Variants in RIC8B observed in about 807,000 individuals in gnomAD.
RIC8B encodes RIC8 guanine nucleotide exchange factor B, also known as chaperone Ric-8B.
In RIC8B, 16 loss-of-function variants were observed where a neutral mutation model predicts 57.5. That is an observed-to-expected ratio of 0.28 (90% CI 0.19 to 0.42). The LOEUF is 0.42. Ranked by LOEUF, RIC8B falls within the 10% of genes least tolerant of loss-of-function variation. The probability of loss-of-function intolerance (pLI) is 1.00; values close to 1 mark genes in which losing one functional copy is unlikely to be tolerated. For synonymous variants in RIC8B, 216 were observed against 250.8 expected (o/e 0.86, Z 1.31); for missense variants, 481 against 677.0 (o/e 0.71, Z 3.21).
chr12:106,804,707 A>T (rs923117446), intron 2 of RIC8B, among the ~76,000 whole-genome samples: 2 of 152,266 alleles, frequency 1.3e-5, no homozygotes, highest in African/African-American at 2.4e-5. Flanking sequence ...ATCTTTGTGC[A>T]TGTGGAAGAA....
intron 1 of RIC8B, among the ~76,000 whole-genome samples, chr12:106,777,406 G>C (rs1236497935): frequency 6.6e-6 from 1 of 152,140 alleles, no homozygotes; most frequent in African/African-American, 2.4e-5. Context: ...AAAAAAAATA[G>C]TTGGGTACCA....
In RIC8B at chr12:106,879,937, T is replaced by TA. The variant is rs996943403; in HGVS notation, c.1572-5966dup. On this transcript the variant is annotated intron_variant, in intron 9 of 9. Coordinates refer to ENST00000392837, the MANE Select transcript of RIC8B (RefSeq NM_001330145.2). The surrounding 1 kb of genome is among the most constrained non-coding windows in gnomAD (Gnocchi z 4.9). ...CTTAACTTGTGTTAAGGCCTGTGTG[T>TA]AGCATTGAAGGTAAGTATGAAGGAG... The TA allele has an allele frequency of 1.5e-5, 15 of 985,300 alleles. No individual in the cohort carries two copies. Among genetic ancestry groups the TA allele is most frequent in the African/African-American group, 3.5e-5 (2 of 57,250 alleles). 61.0% of individuals were successfully genotyped at this position (985,300 alleles called of 1,614,324 possible).
intron 4 of RIC8B, among the ~76,000 whole-genome samples, chr12:106,827,009 A>G (rs1453575559): frequency 6.6e-6 from 1 of 152,146 alleles, no homozygotes; most frequent in Admixed American, 6.5e-5. Context: ...CAGGAGGTGA[A>G]GGTTGCCATG....
chr12:106,830,870 A>T (rs1268729405), intron 4 of RIC8B, among the ~76,000 whole-genome samples: 4 of 152,220 alleles, frequency 2.6e-5, no homozygotes, highest in Non-Finnish European at 5.9e-5. Context: ...GGATAGAGAG[A>T]TATCACAGAT....
intron 1 of RIC8B, chr12:106,775,473 C>T (rs1176635177): frequency 4.9e-6 from 2 of 409,824 alleles, no homozygotes; most frequent in Non-Finnish European, 9.9e-6. Context: ...TTATTTGTAT[C>T]GCATTAACAG....
At position 106,887,973 on chromosome 12, in the gene RIC8B, C is replaced by T. The variant is rs971662271; in HGVS notation, c.*1958C>T. ...GAGAGGTGAGTGACCCAGGTTTTAA[C>T]CAACAGCAAAAGAAATGGGCAATTC... is the stretch of plus-strand genomic sequence containing the variant. On this transcript the variant is annotated 3_prime_UTR_variant, in exon 10 of 10. Transcript: ENST00000392837. The T allele has an allele frequency of 7.2e-5, 11 of 152,490 alleles. No homozygotes were observed. Among genetic ancestry groups the T allele is most frequent in the African/African-American group, 2.4e-4 (10 of 41,384 alleles). The allele number at this position is 152,490 out of a possible 1,614,324, so 9.4% of individuals were successfully genotyped here.
At chr12:106,860,909 T>A (rs1461931955) in intron 8 of RIC8B, among the ~76,000 whole-genome samples, 14 of 152,158 alleles carry the variant, frequency 9.2e-5, no homozygotes, top group African/African-American at 3.4e-4. Flanking sequence ...CAGTGAATTT[T>A]AATCAAACAA....
At chr12:106,832,863 C>T (rs981640319) in intron 4 of RIC8B, among the ~76,000 whole-genome samples, 13 of 152,168 alleles carry the variant, frequency 8.5e-5, no homozygotes, top group African/African-American at 2.9e-4. Flanking sequence ...TCTCTCGCTG[C>T]CCAAGGTTAA....
chr12:106,847,381 C>A (rs548305990), intron 6 of RIC8B, among the ~76,000 whole-genome samples: 1 of 152,100 alleles, frequency 6.6e-6, no homozygotes, highest in African/African-American at 2.4e-5. Context: ...ATTCTGTACT[C>A]GAGGTACTAT....
chr12:106,865,523 G>T (rs1950103998), intron 8 of RIC8B, among the ~76,000 whole-genome samples: 1 of 152,098 alleles, frequency 6.6e-6, no homozygotes. Context: ...AAATCCATTT[G>T]ATTCATTCTA....
intron 1 of RIC8B, 94 bp downstream of exon 1, chr12:106,774,923 G>A: frequency 5.4e-6 from 5 of 933,766 alleles, no homozygotes; most frequent in Non-Finnish European, 8.1e-6. Context: ...CTCATTCCGG[G>A]GATGCGCATT....
intron 2 of RIC8B, among the ~76,000 whole-genome samples, chr12:106,796,670 TAAAAG>T (rs2044497465): frequency 6.6e-6 from 1 of 151,994 alleles, no homozygotes; most frequent in Non-Finnish European, 1.5e-5. Context: ...GCACAAGTAA[TAAAAG>T]AAAAAAATAA....
rs1951174517 is a variant in RIC8B, at chr12:106,886,082, CTT to C, written c.*70_*71del. The stretch of plus-strand genomic sequence containing the variant: ...CTTTTCTCTGTAGCTCCAGGGGAAT[CTT>C]TTCTCTAAAACATTTATGCCCTTGC... On this transcript the variant is annotated 3_prime_UTR_variant, in exon 10 of 10. Coordinates refer to ENST00000392837, the MANE Select transcript of RIC8B (RefSeq NM_001330145.2). The C allele has an allele frequency of 3.6e-6, 4 of 1,117,868 alleles. No homozygotes were observed. The highest frequency in any genetic ancestry group is 1.3e-5 in the South Asian group (1 of 78,164). 69.2% of individuals were successfully genotyped at this position (1,117,868 alleles called of 1,614,324 possible).
At chr12:106,876,368 C>G (rs1950664979) in intron 9 of RIC8B, among the ~76,000 whole-genome samples, 1 of 151,878 alleles carries the variant, frequency 6.6e-6, no homozygotes, top group South Asian at 2.1e-4. Context: ...TTAATTTTAC[C>G]TATTCTTTTT....
intron 3 of RIC8B, among the ~76,000 whole-genome samples, chr12:106,818,476 C>T (rs1441804865): frequency 6.6e-6 from 1 of 151,694 alleles, no homozygotes; most frequent in Non-Finnish European, 1.5e-5. Flanking sequence ...TCTTTTTTAA[C>T]TAAAGAACAG....
At chr12:106,787,476 A>G (rs775350137) in intron 2 of RIC8B, among the ~76,000 whole-genome samples, 2 of 152,222 alleles carry the variant, frequency 1.3e-5, no homozygotes, top group Non-Finnish European at 2.9e-5. Context: ...AGGAAGTCAC[A>G]TTACTGCCCA....
intron 6 of RIC8B, among the ~76,000 whole-genome samples, chr12:106,846,696 G>T (rs1949202436): frequency 7.2e-6 from 1 of 138,658 alleles, no homozygotes; most frequent in African/African-American, 2.7e-5. Context: ...AAACTGTTTA[G>T]ATTTTGCTAT....
At position 106,872,690 on chromosome 12, in the gene RIC8B, A is replaced by AG. The variant is rs1555264196; in HGVS notation, c.1571+1748_1571+1749insG. Among the ~76,000 whole-genome samples, 4 of 150,978 alleles carry AG rather than the reference A, an allele frequency of 2.6e-5. 1 individual carries two copies. The highest frequency in any genetic ancestry group is 4.9e-5 in the African/African-American group (2 of 41,002). Reference sequence around the variant, plus strand: ...GTCTCAAAAAAAAAAAAAAAAACAAACCCGACAGAGTCCATCTGGTAGAAA... The same window carrying AG: ...GTCTCAAAAAAAAAAAAAAAAACAAAGCCCGACAGAGTCCATCTGGTAGAAA... On this transcript the variant is annotated intron_variant, in intron 9 of 9. Coordinates refer to ENST00000392837, the MANE Select transcript of RIC8B (RefSeq NM_001330145.2).
At chr12:106,814,397 C>G (rs2045476669) in intron 2 of RIC8B, among the ~76,000 whole-genome samples, 1 of 152,134 alleles carries the variant, frequency 6.6e-6, no homozygotes. Context: ...TAAAACTCAG[C>G]AGAAATGCAT....
Sources: gnomAD v4.1 joint callset for allele counts (sites outside exome capture counted in the v4.1 genomes callset) on GRCh38, gnomAD v4.1.1 for gene constraint, Gnocchi (gnomAD v3.1) non-coding constraint, MANE v1.5 for transcripts, NCBI Gene and HGNC (gene_info 2026-07-23, HGNC 2026-07-21) for gene names.